The following SGCD variants were observed in gnomAD, a reference collection of about 807,000 sequenced individuals.
The protein encoded by SGCD is delta-sarcoglycan.
Under a neutral mutation model 36.6 loss-of-function variants are expected in SGCD, and 18 were observed. The observed-to-expected ratio is 0.49, with a 90% CI of 0.34 to 0.73. The LOEUF is 0.73. Ranked by LOEUF, SGCD falls within the 30% of genes least tolerant of loss-of-function variation. SGCD has a pLI of 0.01. For missense variants in SGCD, 387 were observed against 346.7 expected, an observed-to-expected ratio of 1.12 and a Z score of -0.92; for synonymous variants, 133 against 130.6, an observed-to-expected ratio of 1.02 and a Z score of -0.12.
chr5:156,432,344 G>T (rs76996692), intron 3 of SGCD, among the ~76,000 whole-genome samples: 1 of 152,204 alleles, frequency 6.6e-6, no homozygotes, highest in Non-Finnish European at 1.5e-5. Context: ...TCTTTCTTGC[G>T]AGCAGTATTT....
chr5:156,251,093 A>C (rs1765565074), intron 3 of SGCD, among the ~76,000 whole-genome samples: 1 of 152,206 alleles, frequency 6.6e-6, no homozygotes, highest in South Asian at 2.1e-4. Context: ...ATTTTAGTGG[A>C]AATTAGAAAA....
At chr5:156,551,323 A>G (rs1758782610) in intron 4 of SGCD, among the ~76,000 whole-genome samples, 1 of 152,056 alleles carries the variant, frequency 6.6e-6, no homozygotes, top group Admixed American at 6.6e-5. Context: ...CACTGAACAT[A>G]TTATTTGCCT....
rs911566736 is a variant in SGCD at position 156,057,182 on chromosome 5, G to T, written c.-281-60696G>T. Among the ~76,000 whole-genome samples the T allele has an allele frequency of 1.6e-4, 24 of 146,434 alleles. 2 individuals are homozygous for T. Among genetic ancestry groups the T allele is most frequent in the African/African-American group, 5.9e-4 (24 of 40,760 alleles). ...GTAAAATTATGTAGAAATATATCTT[G>T]CATTATAGTATTATCCCATTAATAT... On this transcript the variant is annotated intron_variant, in intron 1 of 9. Coordinates refer to the SGCD transcript ENST00000517913.
At chr5:156,588,988 T>TTTTGTGTGTG (rs1554119119) in intron 4 of SGCD, among the ~76,000 whole-genome samples, 2 of 143,060 alleles carry the variant, frequency 1.4e-5, no homozygotes, top group African/African-American at 5.2e-5. Context: ...GGAATCTATA[T>TTTTGTGTGTG]TGTGTGTGTG....
At chr5:156,396,108 G>A (rs889044628) in intron 3 of SGCD, among the ~76,000 whole-genome samples, 10 of 152,260 alleles carry the variant, frequency 6.6e-5, no homozygotes, top group African/African-American at 9.6e-5. Flanking sequence ...AGTAAGCCCC[G>A]GAGGAGTTGT....
At chr5:156,744,781 T>C (rs1181015305) in intron 7 of SGCD, among the ~76,000 whole-genome samples, 1 of 152,236 alleles carries the variant, frequency 6.6e-6, no homozygotes, top group Admixed American at 6.5e-5. Context: ...TCTCAGAAAG[T>C]TGGCACATCC....
At chr5:155,846,711 G>T in the SGCD span, among the ~76,000 whole-genome samples, 2 of 152,126 alleles carry the variant, frequency 1.3e-5, no homozygotes, top group Non-Finnish European at 2.9e-5. Context: ...AAATGTATTT[G>T]CTCACAATTC....
chr5:156,619,801 TTTGA>T (rs1478386123), intron 6 of SGCD, among the ~76,000 whole-genome samples: 4 of 152,228 alleles, frequency 2.6e-5, no homozygotes, highest in African/African-American at 9.6e-5. Context: ...CATTTGCTTA[TTTGA>T]TTGGGAGAAA....
chr5:156,358,249 A>G (rs1026424251), intron 3 of SGCD, among the ~76,000 whole-genome samples: 2 of 152,184 alleles, frequency 1.3e-5, no homozygotes, highest in African/African-American at 2.4e-5. Flanking sequence ...GTTGCTTGCC[A>G]TTTAATAAAT....
chr5:156,032,543 C>T (rs1759371615), intron 1 of SGCD, among the ~76,000 whole-genome samples: 1 of 150,916 alleles, frequency 6.6e-6, no homozygotes, highest in Admixed American at 6.6e-5. Context: ...ATGGTGAAAA[C>T]CCGTCTCTAC....
chr5:155,935,933 G>A (rs2113399773), intron 1 of SGCD, among the ~76,000 whole-genome samples: 1 of 152,300 alleles, frequency 6.6e-6, no homozygotes, highest in Admixed American at 6.5e-5. Flanking sequence ...ACCAGCTGCA[G>A]CAGGGCAGAT....
chr5:155,728,315 C>T, the SGCD span, among the ~76,000 whole-genome samples: 6 of 152,200 alleles, frequency 3.9e-5, no homozygotes, highest in East Asian at 1.2e-3. Context: ...CGAACCCAAG[C>T]CCCAGCTGGA....
chr5:156,521,739 T>A (rs772122493), intron 4 of SGCD, among the ~76,000 whole-genome samples: 17 of 152,302 alleles, frequency 1.1e-4, no homozygotes, highest in Non-Finnish European at 1.9e-4. Context: ...GCTTTTACAC[T>A]GTTGGTGGGA....
At chr5:156,440,032 A>G (rs986724671) in intron 3 of SGCD, among the ~76,000 whole-genome samples, 2 of 152,108 alleles carry the variant, frequency 1.3e-5, no homozygotes, top group African/African-American at 4.8e-5. Context: ...ATTCAGTGGC[A>G]TTTGGTATAT....
At chr5:155,768,284 T>C in the SGCD span, among the ~76,000 whole-genome samples, 2 of 101,786 alleles carry the variant, frequency 2.0e-5, no homozygotes, top group African/African-American at 4.4e-5. Flanking sequence ...GTTGTTGTTG[T>C]TGTTTTAGTT....
At chr5:155,733,443 C>A in the SGCD span, among the ~76,000 whole-genome samples, 1 of 152,158 alleles carries the variant, frequency 6.6e-6, no homozygotes, top group Non-Finnish European at 1.5e-5. Flanking sequence ...CTTTTCAGAT[C>A]CAAATTTATC....
intron 4 of SGCD, among the ~76,000 whole-genome samples, chr5:156,547,635 G>C (rs986929179): frequency 6.6e-6 from 1 of 151,934 alleles, no homozygotes; most frequent in Non-Finnish European, 1.5e-5. Context: ...GTAGAGACAG[G>C]GTTTCACCAT....
intron 4 of SGCD, among the ~76,000 whole-genome samples, chr5:156,539,755 T>A (rs1176305004): frequency 6.6e-6 from 1 of 152,178 alleles, no homozygotes; most frequent in Non-Finnish European, 1.5e-5. Context: ...TAATGATTTC[T>A]TTTCCTTTGA....
At chr5:156,424,666 T>G (rs1179037205) in intron 3 of SGCD, among the ~76,000 whole-genome samples, 1 of 152,078 alleles carries the variant, frequency 6.6e-6, no homozygotes, top group African/African-American at 2.4e-5. Flanking sequence ...TCCTCAAGAC[T>G]TCACATTCAG....
Sources: allele counts gnomAD v4.1 joint callset (sites outside exome capture counted in the v4.1 genomes callset), GRCh38; gene constraint gnomAD v4.1.1; transcripts MANE v1.5; gene names NCBI Gene and HGNC (gene_info 2026-07-23, HGNC 2026-07-21).